The following OR6N1 variants were observed in gnomAD, a reference collection of about 807,000 sequenced individuals.
OR6N1 encodes the protein olfactory receptor family 6 subfamily N member 1, also known as olfactory receptor 6N1.
For synonymous variants in OR6N1, 170 were observed against 150.7 expected (o/e 1.13, Z -0.94); for missense variants, 394 against 371.7 (o/e 1.06, Z -0.49).
upstream of OR6N1, chr1:158,776,456 T>C (rs369818996): frequency 4.2e-5 from 16 of 382,968 alleles, no homozygotes; most frequent in South Asian, 1.1e-3. Flanking sequence ...TACATGCTTT[T>C]TTTTAAAAAA....
At chr1:158,798,790 G>T in the OR6N1 span, among the ~76,000 whole-genome samples, 1 of 152,120 alleles carries the variant, frequency 6.6e-6, no homozygotes, top group Admixed American at 6.5e-5. Context: ...GATTTCAAAT[G>T]TCTTACTCTG....
chr1:158,778,904 A>T, the OR6N1 span, among the ~76,000 whole-genome samples: 533 of 151,402 alleles, frequency 3.5e-3, no homozygotes, highest in Middle Eastern at 6.8e-3. Flanking sequence ...TGCAGTTCCC[A>T]GCTACTCCGG....
At chr1:158,827,468 A>G in the OR6N1 span, among the ~76,000 whole-genome samples, 2 of 152,162 alleles carry the variant, frequency 1.3e-5, no homozygotes, top group Non-Finnish European at 2.9e-5. Context: ...GCATTCCACA[A>G]ATATTTTGAT....
rs1198843678 is a variant in OR6N1, at chr1:158,764,316, T to C, written c.*1428A>G. On this transcript the variant is annotated 3_prime_UTR_variant, in exon 2 of 2. Transcript: ENST00000641846. ...AAAGACAAGTGAAAAAAAAGGAGAA[T>C]GCATGTTTATCTTAATACTACTTCC... is the stretch of plus-strand genomic sequence containing the variant. 1 of 151,316 alleles carries C rather than the reference T, an allele frequency of 6.6e-6. No individual in the cohort carries two copies. Among genetic ancestry groups the C allele is most frequent in the African/African-American group, 2.4e-5 (1 of 41,344 alleles). The allele number at this position is 151,316 out of a possible 1,614,324, so 9.4% of individuals were successfully genotyped here.
At chr1:158,777,065 C>T (rs1657618608), upstream of OR6N1, 2 of 1,614,078 alleles carry the variant, frequency 1.2e-6, no homozygotes. Context: ...GCAGATGTGT[C>T]CTTGCAGGCC....
chr1:158,789,730 G>A, the OR6N1 span, among the ~76,000 whole-genome samples: 1 of 152,116 alleles, frequency 6.6e-6, no homozygotes, highest in East Asian at 1.9e-4. Flanking sequence ...ATATAGTCTG[G>A]TCATTAACCC....
upstream of OR6N1, chr1:158,776,874 G>A (rs763376872): frequency 1.2e-6 from 2 of 1,614,122 alleles, no homozygotes; most frequent in Non-Finnish European, 8.5e-7. Context: ...TGAAGATGAT[G>A]CTCCCAAAGA....
chr1:158,766,631 G>A lies in OR6N1; in HGVS notation c.52C>T (p.Pro18Ser), dbSNP rs772731248. ...TAAATCTGGACACCCTGGAGATGGGGGAAGCCCAAGATGATGAATTCTGCT... is the reference window on the plus strand; with the variant it reads ...TAAATCTGGACACCCTGGAGATGGGAGAAGCCCAAGATGATGAATTCTGCT... ...QVAEFIILGF[P>S]HLQGVQIYLF... The change falls in exon 2 of 2, where the codon CCC becomes TCC. Residue 18 changes from proline to serine, a missense_variant. Pro to Ser is a moderately conservative substitution (Grantham distance 74). Coordinates refer to ENST00000641846, the MANE Select transcript of OR6N1 (RefSeq NM_001005185.2). 6.2e-7 allele frequency: 1 copy of A among 1,613,618 alleles called. No homozygotes were observed. The highest frequency in any genetic ancestry group is 1.1e-5 in the South Asian group (1 of 91,076).
the OR6N1 span, among the ~76,000 whole-genome samples, chr1:158,816,395 T>G: frequency 9.2e-5 from 14 of 151,950 alleles, no homozygotes; most frequent in African/African-American, 3.1e-4. Flanking sequence ...CAAAGAGAGA[T>G]AAATTTTTTG....
At chr1:158,776,735 T>C (rs1452969813), upstream of OR6N1, 2 of 1,613,582 alleles carry the variant, frequency 1.2e-6, no homozygotes, top group African/African-American at 2.7e-5. Context: ...GTCCTCTTGA[T>C]AGCTTTAATG....
At chr1:158,811,025 G>GCCTCTT in the OR6N1 span, among the ~76,000 whole-genome samples, 1 of 152,026 alleles carries the variant, frequency 6.6e-6, no homozygotes, top group Non-Finnish European at 1.5e-5. Context: ...CTGATCCTCT[G>GCCTCTT]CCTCTTCCCA....
the OR6N1 span, chr1:158,808,878 A>C: frequency 6.6e-6 from 1 of 152,474 alleles, no homozygotes; most frequent in Non-Finnish European, 1.5e-5. Context: ...AGTGCAGCTG[A>C]GAAGCCAGCC....
chr1:158,823,558 C>G, the OR6N1 span, among the ~76,000 whole-genome samples: 73 of 151,908 alleles, frequency 4.8e-4, no homozygotes, highest in African/African-American at 1.4e-3. Context: ...GATTATGGCA[C>G]CTTTGGCATT....
At chr1:158,826,806 A>G in the OR6N1 span, among the ~76,000 whole-genome samples, 1 of 152,184 alleles carries the variant, frequency 6.6e-6, no homozygotes. Context: ...ATGAAATAAC[A>G]ATATGTGTGA....
the OR6N1 span, among the ~76,000 whole-genome samples, chr1:158,792,259 C>T: frequency 6.6e-6 from 1 of 152,034 alleles, no homozygotes; most frequent in African/African-American, 2.4e-5. Flanking sequence ...CTTTTTCCAC[C>T]CCTTTACCTT....
chr1:158,778,672 G>T, the OR6N1 span, among the ~76,000 whole-genome samples: 1 of 152,126 alleles, frequency 6.6e-6, no homozygotes, highest in African/African-American at 2.4e-5. Flanking sequence ...TGCCTTGTGG[G>T]TATGGCTGAC....
At chr1:158,815,772 G>A in the OR6N1 span, among the ~76,000 whole-genome samples, 1 of 152,140 alleles carries the variant, frequency 6.6e-6, no homozygotes, top group Non-Finnish European at 1.5e-5. Context: ...ATTCTCTGGA[G>A]AAGATCTTAT....
chr1:158,815,212 C>A, the OR6N1 span, among the ~76,000 whole-genome samples: 1 of 152,122 alleles, frequency 6.6e-6, no homozygotes, highest in Non-Finnish European at 1.5e-5. Context: ...CCTTAGGAGT[C>A]CCTTCATTCA....
chr1:158,766,188 G>T lies in OR6N1; in HGVS notation c.495C>A (p.Arg165=). ...GPVVEISLIS[R]LPFCGPNRIQ... is the part of the protein sequence containing the mutation. ...TGCGATTGGGGCCACAGAATGGGAG[G>T]CGTGAAATCAAGGAAATTTCAACTA... Residue 165 remains arginine, a synonymous_variant, in exon 2 of 2, where the codon CGC becomes CGA. Transcript: ENST00000641846. 2.5e-6 allele frequency: 4 copies of T among 1,614,124 alleles called. No homozygotes were observed. The highest frequency in any genetic ancestry group is 3.4e-6 in the Non-Finnish European group (4 of 1,180,016).
Sources: allele counts gnomAD v4.1 joint callset (sites outside exome capture counted in the v4.1 genomes callset), GRCh38; gene constraint gnomAD v4.1.1; transcripts MANE v1.5; gene names NCBI Gene and HGNC (gene_info 2026-07-23, HGNC 2026-07-21).